The following ZNF423 variants were observed in gnomAD, a reference collection of about 807,000 sequenced individuals.
The protein encoded by ZNF423 is zinc finger protein 423.
In ZNF423, 12 loss-of-function variants were observed where a neutral mutation model predicts 95.8. The ratio of observed to expected loss-of-function variants is 0.13; its 90% CI spans 0.08 to 0.20. ZNF423 has a LOEUF of 0.20. Among genes scored for constraint, ZNF423 ranks in the 10% least tolerant of loss-of-function variants. ZNF423 has a pLI of 1.00. For missense variants in ZNF423, 1,316 were observed against 1,737.1 expected (o/e 0.76, Z 4.31); for synonymous variants, 749 against 711.9 (o/e 1.05, Z -0.83).
chr16:49,700,208 A>G lies in ZNF423; in HGVS notation c.301+30563T>C, dbSNP rs1192325439. On this transcript the variant is annotated intron_variant, in intron 3 of 7. Coordinates refer to ENST00000563137, the MANE Select transcript of ZNF423 (RefSeq NM_001379286.1). ...GGCCCAGGATTTCAAAAAAAAAAAA[A>G]AAAAAAAAACAAGAAGAAGAAGAAG... Among the ~76,000 whole-genome samples, 4 of 134,830 alleles carry G rather than the reference A, an allele frequency of 3.0e-5. 1 individual carries two copies. Among genetic ancestry groups the G allele is most frequent in the South Asian group, 5.0e-4 (2 of 4,028 alleles). 88.5% of individuals were successfully genotyped at this position (134,830 alleles called of 152,430 possible). A position where few individuals can be genotyped will look rare whatever the true frequency, so the allele number is the denominator to read the frequency against.
Position 49,570,301 on chromosome 16 carries a change from C to T in ZNF423, c.3602-44807G>A, listed in dbSNP as rs1335217063. Reference sequence around the variant, plus strand: ...CTCTTTCTTTCATTATCTCATTGAACTCTCATGGCAACCATGTGAGATGGG... The same window carrying T: ...CTCTTTCTTTCATTATCTCATTGAATTCTCATGGCAACCATGTGAGATGGG... On this transcript the variant is annotated intron_variant, in intron 5 of 7. Transcript: ENST00000563137. Among the ~76,000 whole-genome samples the T allele has an allele frequency of 2.6e-5, 4 of 152,254 alleles. No homozygotes were observed. The East Asian group carries it at 7.7e-4, about 29-fold the overall frequency.
intron 3 of ZNF423, among the ~76,000 whole-genome samples, chr16:49,705,108 G>A (rs945167117): frequency 2.6e-5 from 4 of 152,160 alleles, no homozygotes; most frequent in African/African-American, 9.7e-5. Flanking sequence ...AAGGTGGGAG[G>A]GCACTTGGGA....
intron 5 of ZNF423, among the ~76,000 whole-genome samples, chr16:49,605,504 G>A (rs886857612): frequency 4.8e-4 from 73 of 152,274 alleles, no homozygotes; most frequent in African/African-American, 1.7e-3. Flanking sequence ...TCCAAACAAA[G>A]AGAGAACTCC....
At chr16:49,818,260 C>A (rs957407453) in intron 1 of ZNF423, among the ~76,000 whole-genome samples, 9 of 151,888 alleles carry the variant, frequency 5.9e-5, no homozygotes, top group African/African-American at 2.2e-4. Flanking sequence ...ATTGCTGAAA[C>A]TCAGATGCCC....
intron 3 of ZNF423, among the ~76,000 whole-genome samples, chr16:49,653,192 CCAGA>C (rs1293336671): frequency 6.6e-6 from 1 of 151,798 alleles, no homozygotes; most frequent in Admixed American, 6.6e-5. Flanking sequence ...CCCCTGCTGC[CCAGA>C]CAGAGAACCC....
Position 49,637,010 on chromosome 16 carries a change from C to A in ZNF423, c.2166G>T (p.Met722Ile). 1 of 1,613,908 alleles carries A rather than the reference C, an allele frequency of 6.2e-7. No homozygotes were observed. Among genetic ancestry groups the A allele is most frequent in the Non-Finnish European group, 8.5e-7 (1 of 1,180,040 alleles). Residue 722 changes from methionine (M) to isoleucine (I), a missense_variant, in exon 4 of 8, where the codon ATG becomes ATT. By Grantham distance (10) the Met-to-Ile change is conservative. Transcript: ENST00000563137. The surrounding 1 kb of genome is among the most constrained non-coding windows in gnomAD (Gnocchi z 5.6). ...VDDLQKHLLD[M>I]HTFVLYHCTL... ...TGCAGTGGTACAACACAAAGGTGTG[C>A]ATGTCCAGCAGGTGCTTCTGCAGGT...
intron 1 of ZNF423, among the ~76,000 whole-genome samples, chr16:49,815,296 C>T (rs2034819432): frequency 6.6e-6 from 1 of 152,082 alleles, no homozygotes; most frequent in African/African-American, 2.4e-5. Flanking sequence ...AAAAAGCAGC[C>T]CCCTAAGCAG....
At chr16:49,660,224 G>A (rs1012385117) in intron 3 of ZNF423, among the ~76,000 whole-genome samples, 29 of 146,940 alleles carry the variant, frequency 2.0e-4, no homozygotes, top group African/African-American at 7.2e-4. Context: ...TGAATGAATG[G>A]ATGAAAGGGT....
At chr16:49,677,310 AAGGAGGGGAAGGGAGGGGAG>A (rs2031133917) in intron 3 of ZNF423, among the ~76,000 whole-genome samples, 1 of 75,494 alleles carries the variant, frequency 1.3e-5, no homozygotes, top group African/African-American at 5.2e-5. Context: ...AGAGAAGAGA[AAGGAGGGGAAGGGAGGGGAG>A]GGGAGGGGAG....
At chr16:49,764,763 T>A (rs2143664556) in intron 2 of ZNF423, 1 of 152,150 alleles carries the variant, frequency 6.6e-6, no homozygotes, top group Non-Finnish European at 1.5e-5. Flanking sequence ...TTTTTCTTTT[T>A]TGAGATAGAG....
intron 1 of ZNF423, among the ~76,000 whole-genome samples, chr16:49,815,902 ATATATATATATATTTTTTTT>A (rs1567356405): frequency 1.5e-3 from 72 of 46,678 alleles, no homozygotes; most frequent in African/African-American, 6.1e-3. Context: ...ATATATATAT[ATATATATATATATTTTTTTT>A]TTTTTTTTTT....
chr16:49,636,775 C>T lies in ZNF423; in HGVS notation c.2401G>A (p.Glu801Lys), dbSNP rs1318864463. 3.7e-6 allele frequency: 6 copies of T among 1,613,918 alleles called. No individual in the cohort carries two copies. The highest frequency in any genetic ancestry group is 1.1e-5 in the South Asian group (1 of 91,076). The change falls in exon 4 of 8, where the codon GAG (glutamate) becomes AAG (lysine). Residue 801 changes from glutamate to lysine, a missense_variant. This residue lies in a region of ZNF423 where 620 missense variants were observed against 775.6 expected (regional missense o/e 0.80). Transcript: ENST00000563137. This position sits in a 1 kb window ranked among gnomAD's most constrained non-coding sequence, Gnocchi z 8.6. ...GTGATGTGGCACTGCAGCTCCACCTCGGTGCTGAAGGTCTCCCCACAGAAG... is the reference window on the plus strand; with the variant it reads ...GTGATGTGGCACTGCAGCTCCACCTTGGTGCTGAAGGTCTCCCCACAGAAG... Reference protein sequence around the residue: ...CIFCGETFSTEVELQCHITTH... With the variant: ...CIFCGETFSTKVELQCHITTH...
At chr16:49,602,710 C>T (rs962100442) in intron 5 of ZNF423, among the ~76,000 whole-genome samples, 1 of 152,064 alleles carries the variant, frequency 6.6e-6, no homozygotes, top group Non-Finnish European at 1.5e-5. Flanking sequence ...TTGCTCCTGC[C>T]GATTCAAAAC....
intron 3 of ZNF423, among the ~76,000 whole-genome samples, chr16:49,714,341 A>C (rs1351759704): frequency 6.6e-6 from 1 of 152,196 alleles, no homozygotes. Context: ...GCCAGGGCCT[A>C]GTACATACTA....
chr16:49,809,881 C>G (rs142477286), intron 1 of ZNF423, among the ~76,000 whole-genome samples: 1 of 152,246 alleles, frequency 6.6e-6, no homozygotes, highest in Non-Finnish European at 1.5e-5. Context: ...CCTTATGAAC[C>G]GCATGAGAGT....
At chr16:49,554,120 TGCTGGAGA>T (rs1969742496) in intron 5 of ZNF423, among the ~76,000 whole-genome samples, 1 of 152,178 alleles carries the variant, frequency 6.6e-6, no homozygotes, top group African/African-American at 2.4e-5. Context: ...GATGCATCCA[TGCTGGAGA>T]GCCCCAGAGT....
intron 7 of ZNF423, among the ~76,000 whole-genome samples, chr16:49,501,640 A>C (rs1967408309): frequency 6.6e-6 from 1 of 152,132 alleles, no homozygotes; most frequent in Non-Finnish European, 1.5e-5. Context: ...GCCCACCAAG[A>C]GTGGGTTGGA....
intron 5 of ZNF423, among the ~76,000 whole-genome samples, chr16:49,621,039 C>CA (rs1406017469): frequency 2.6e-5 from 4 of 152,310 alleles, no homozygotes; most frequent in African/African-American, 9.6e-5. Context: ...GCAGCCCCCC[C>CA]GGGGAGCCCA....
At chr16:49,738,433 C>T (rs572263030) in intron 2 of ZNF423, among the ~76,000 whole-genome samples, 37 of 152,280 alleles carry the variant, frequency 2.4e-4, no homozygotes, top group South Asian at 6.2e-4. Context: ...GGCAAGTCCC[C>T]TACCTGAGCC....
Sources: allele counts gnomAD v4.1 joint callset (sites outside exome capture counted in the v4.1 genomes callset), GRCh38; gene constraint gnomAD v4.1.1; regional missense constraint gnomAD v4.1.1; non-coding constraint Gnocchi (gnomAD v3.1); transcripts MANE v1.5; gene names NCBI Gene and HGNC (gene_info 2026-07-23, HGNC 2026-07-21).